Variants in SLC9B2 observed in about 807,000 individuals in gnomAD.
SLC9B2 encodes the protein sodium/hydrogen exchanger 9B2.
SLC9B2 carries 39 observed loss-of-function variants against 52.2 expected under a neutral mutation model. The observed-to-expected ratio is 0.75, with a 90% CI of 0.58 to 0.98. The LOEUF (loss-of-function observed/expected upper bound fraction) is 0.98, where lower values mean the gene tolerates loss of function less well. Ranked by LOEUF, SLC9B2 falls within the 50% of genes least tolerant of loss-of-function variation. SLC9B2 has a pLI of 0.00. For missense variants in SLC9B2, 626 were observed against 637.5 expected, an observed-to-expected ratio of 0.98 and a Z score of 0.19; for synonymous variants, 214 against 227.0, an observed-to-expected ratio of 0.94 and a Z score of 0.51.
At chr4:103,074,490 G>A (rs540998457) in intron 1 of SLC9B2, among the ~76,000 whole-genome samples, 38 of 152,252 alleles carry the variant, frequency 2.5e-4, no homozygotes, top group African/African-American at 9.1e-4. Context: ...CTAGCTTCTT[G>A]TTACAGTGCA....
In SLC9B2 at chr4:103,043,918, C is replaced by T. The variant is rs190738075; in HGVS notation, c.997-473G>A. Among the ~76,000 whole-genome samples, 8 of 152,226 alleles carry T rather than the reference C, an allele frequency of 5.3e-5. No homozygotes were observed. In the East Asian group the frequency reaches 1.2e-3, roughly 22 times the overall value. ...TATGTTTACTGTTTTAAATTTGACGCCCCCTTGGTTTTTCTTTCTAAATCT... is the reference window on the plus strand; with the variant it reads ...TATGTTTACTGTTTTAAATTTGACGTCCCCTTGGTTTTTCTTTCTAAATCT... On this transcript the variant is annotated intron_variant, in intron 8 of 11. Transcript: ENST00000394785.
intron 1 of SLC9B2, among the ~76,000 whole-genome samples, chr4:103,071,522 G>A (rs1746638254): frequency 6.6e-6 from 1 of 151,808 alleles, no homozygotes; most frequent in African/African-American, 2.4e-5. Context: ...GGGACTACAG[G>A]CACATGCCAC....
In SLC9B2 at chr4:103,050,333, A is replaced by AT; in HGVS notation, c.491dup (p.Asp164GlufsTer2). 6.2e-7 allele frequency: 1 copy of AT among 1,609,818 alleles called. No homozygotes were observed. Among genetic ancestry groups the AT allele is most frequent in the Non-Finnish European group, 8.5e-7 (1 of 1,178,172 alleles). On this transcript the variant is annotated frameshift_variant, in exon 5 of 12. Transcript: ENST00000394785. ...ACCACTTGTGCTTGATCTGCACATT[A>AT]TCGTTGATGACTGGGATATTTCTGA... is the stretch of plus-strand genomic sequence containing the variant.
chr4:103,074,880 C>T, intron 1 of SLC9B2, among the ~76,000 whole-genome samples: 1 of 152,172 alleles, frequency 6.6e-6, no homozygotes, highest in Non-Finnish European at 1.5e-5. Flanking sequence ...TATTTCCTAA[C>T]TCCAACATTG....
rs763897512 is a variant in SLC9B2 at position 103,031,830 on chromosome 4, C to T, written c.1147-22G>A. 12 of 1,589,332 alleles carry T rather than the reference C, an allele frequency of 7.6e-6. No individual in the cohort carries two copies. In the Admixed American group the frequency reaches 1.4e-4, roughly 18 times the overall value. Reference sequence around the variant, plus strand: ...CTGCCTAAAATAACAATAAAACACACACAGATTTTTATTATGTGAAGTTAC... The same window carrying T: ...CTGCCTAAAATAACAATAAAACACATACAGATTTTTATTATGTGAAGTTAC... On this transcript the variant is annotated intron_variant, in intron 9 of 11. Transcript: ENST00000394785.
rs530944003 is a variant in SLC9B2, at chr4:103,035,844, T to C, written c.1147-4036A>G. Among the ~76,000 whole-genome samples the C allele has an allele frequency of 3.7e-4, 57 of 152,312 alleles. 1 individual carries two copies. Among genetic ancestry groups the C allele is most frequent in the Admixed American group, 2.4e-3 (36 of 15,284 alleles). ...AACGTGTACGTTCATTAAAGTGTTA[T>C]TCACAATAGCAAAGACACGGAATCA... On this transcript the variant is annotated intron_variant, in intron 9 of 11. Coordinates refer to ENST00000394785, the MANE Select transcript of SLC9B2 (RefSeq NM_178833.7).
At chr4:103,019,296 G>A (rs77014345), downstream of SLC9B2, among the ~76,000 whole-genome samples, 490 of 152,264 alleles carry the variant, frequency 3.2e-3, 5 homozygotes, top group Middle Eastern at 0.017. Context: ...TTAATTTTGA[G>A]GTCAATCTTA....
intron 1 of SLC9B2, among the ~76,000 whole-genome samples, chr4:103,069,523 T>C (rs1342650084): frequency 6.6e-6 from 1 of 152,258 alleles, no homozygotes; most frequent in African/African-American, 2.4e-5. Context: ...GTGTTGGTTA[T>C]TGCTAACCAT....
rs1480180432 is a variant in SLC9B2 at position 103,048,954 on chromosome 4, T to C, written c.652A>G (p.Thr218Ala). Residue 218 changes from threonine (T) to alanine (A), a missense_variant, in exon 6 of 12, where the codon ACA (threonine) becomes GCA (alanine). Coordinates refer to ENST00000394785, the MANE Select transcript of SLC9B2 (RefSeq NM_178833.7). ...SMGPCIVEAC[T>A]SALLAHYLLG... ...AGGTAATGGGCAAGAAGAGCAGATG[T>C]GCACGCCTCCACAATACAGGGACCC... The C allele has an allele frequency of 2.5e-6, 4 of 1,614,034 alleles. No homozygotes were observed. The South Asian group carries it at 3.3e-5, about 13-fold the overall frequency.
At chr4:103,018,141 A>C (rs1269727010), downstream of SLC9B2, among the ~76,000 whole-genome samples, 2 of 152,238 alleles carry the variant, frequency 1.3e-5, no homozygotes, top group African/African-American at 4.8e-5. Flanking sequence ...TAACCAACAG[A>C]AGTGTTTAAA....
At chr4:103,019,768 T>G (rs1309856065), downstream of SLC9B2, 1 of 985,610 alleles carries the variant, frequency 1.0e-6, no homozygotes, top group Non-Finnish European at 1.2e-6. Flanking sequence ...TTAAGTGACG[T>G]CTTGGCTGTC....
At chr4:103,070,836 G>A (rs1241394535) in intron 1 of SLC9B2, among the ~76,000 whole-genome samples, 1 of 152,180 alleles carries the variant, frequency 6.6e-6, no homozygotes, top group Non-Finnish European at 1.5e-5. Flanking sequence ...AGAGATTGCT[G>A]TGATAGAGGC....
intron 9 of SLC9B2, among the ~76,000 whole-genome samples, chr4:103,033,621 G>A (rs1281158975): frequency 6.6e-6 from 1 of 152,008 alleles, no homozygotes. Flanking sequence ...AAAGTTTTAG[G>A]ATAAAAAATC....
At chr4:103,019,859 G>A (rs368850280), downstream of SLC9B2, 3 of 985,682 alleles carry the variant, frequency 3.0e-6, no homozygotes, top group African/African-American at 1.7e-5. Flanking sequence ...TCCTTTCGAC[G>A]TCTCTTCTGA....
intron 1 of SLC9B2, among the ~76,000 whole-genome samples, chr4:103,071,130 T>G (rs1219630110): frequency 1.3e-5 from 2 of 152,012 alleles, no homozygotes; most frequent in East Asian, 3.9e-4. Context: ...TGGACTTTCT[T>G]TCTTATTTTC....
rs201768799 is a variant in SLC9B2 at position 103,047,254 on chromosome 4, T to C, written c.714-28A>G. The C allele has an allele frequency of 2.9e-4, 465 of 1,577,748 alleles. 3 individuals carry two copies. The African/African-American group carries it at 5.8e-3, about 20-fold the overall frequency. ...AGGCAGACAGCATTTTAAACATTTA[T>C]GATAACATCTTACTTATTACTATTT... On this transcript the variant is annotated intron_variant, in intron 6 of 11. Transcript: ENST00000394785.
intron 3 of SLC9B2, among the ~76,000 whole-genome samples, chr4:103,058,375 C>T (rs1279300506): frequency 4.6e-5 from 7 of 151,930 alleles, no homozygotes; most frequent in African/African-American, 1.7e-4. Flanking sequence ...TTGAAATCAT[C>T]ATTCATTATG....
At chr4:103,071,196 TTTGTTG>T (rs750564896) in intron 1 of SLC9B2, among the ~76,000 whole-genome samples, 2 of 151,446 alleles carry the variant, frequency 1.3e-5, no homozygotes, top group Admixed American at 6.6e-5. Flanking sequence ...ATATATATAT[TTTGTTG>T]TTGTTGTTGT....
At chr4:103,043,167 G>A in intron 9 of SLC9B2, 129 bp downstream of exon 9, 1 of 966,122 alleles carries the variant, frequency 1.0e-6, no homozygotes, top group Non-Finnish European at 1.5e-6. Context: ...GTGTACATTT[G>A]TATATGCACA....
Sources: allele counts gnomAD v4.1 joint callset (sites outside exome capture counted in the v4.1 genomes callset), GRCh38; gene constraint gnomAD v4.1.1; transcripts MANE v1.5; gene names NCBI Gene and HGNC (gene_info 2026-07-23, HGNC 2026-07-21).